The following TAF6 variants were observed in gnomAD, a reference collection of about 807,000 sequenced individuals.
The protein encoded by TAF6 is transcription initiation factor TFIID subunit 6.
In TAF6, 50 loss-of-function variants were observed where a neutral mutation model predicts 73.5. That is an observed-to-expected ratio of 0.68 (90% CI 0.54 to 0.86). The LOEUF is 0.86. Ranked by LOEUF, TAF6 falls within the 40% of genes least tolerant of loss-of-function variation. The probability of loss-of-function intolerance (pLI) is 0.00; values close to 1 mark genes in which losing one functional copy is unlikely to be tolerated. For missense variants in TAF6, 768 were observed against 899.5 expected (o/e 0.85, Z 1.87); for synonymous variants, 424 against 376.7 (o/e 1.13, Z -1.45).
chr7:100,110,025 T>C lies in TAF6; in HGVS notation c.1207A>G (p.Ile403Val). ...LPRLQQEGER[I>V]RSVLDGPVLS... is the part of the protein sequence containing the mutation. ...ACAGGGCCGTCCAGCACACTGCGGATCCGCTCCCCTTCCTGCTGCAGCCGG... is the reference window on the plus strand; with the variant it reads ...ACAGGGCCGTCCAGCACACTGCGGACCCGCTCCCCTTCCTGCTGCAGCCGG... The change falls in exon 12 of 15, where the codon ATC (isoleucine) becomes GTC (valine). Residue 403 changes from isoleucine to valine, a missense_variant. Coordinates refer to ENST00000453269, the MANE Select transcript of TAF6 (RefSeq NM_139315.3). 1 of 1,614,138 alleles carries C rather than the reference T, an allele frequency of 6.2e-7. No individual in the cohort carries two copies. Among genetic ancestry groups the C allele is most frequent in the Non-Finnish European group, 8.5e-7 (1 of 1,180,028 alleles).
At chr7:100,115,271 C>G (rs192527258) in intron 1 of TAF6, 1 of 152,232 alleles carries the variant, frequency 6.6e-6, no homozygotes, top group Non-Finnish European at 1.5e-5. Flanking sequence ...GAATTAAAGG[C>G]GTGAGCCGAA....
chr7:100,119,848 C>G (rs73713944), upstream of TAF6: 7 of 1,612,122 alleles, frequency 4.3e-6, no homozygotes, highest in Middle Eastern at 1.7e-4. Context: ...GAACGCTTGC[C>G]CAGCAAATGC....
intron 1 of TAF6, among the ~76,000 whole-genome samples, chr7:100,116,110 C>T (rs1042602799): frequency 6.6e-6 from 1 of 152,214 alleles, no homozygotes; most frequent in Non-Finnish European, 1.5e-5. Flanking sequence ...CCTTTCTCTA[C>T]ATCTATTCCT....
rs4134913 is a variant in TAF6 at position 100,110,708 on chromosome 7, G to A, written c.1083+431C>T. On this transcript the variant is annotated intron_variant, in intron 10 of 14. Transcript: ENST00000453269. ...TGCCTGTAATCCCAGCTACTCGGGA[G>A]GCTGAGGCAGGAGAATCATTGGAAC... 8.5e-3 allele frequency among the ~76,000 whole-genome samples: 1,297 copies of A among 152,352 alleles called. 15 individuals are homozygous for A. Among genetic ancestry groups the A allele is most frequent in the African/African-American group, 0.03 (1,227 of 41,574 alleles).
At chr7:100,117,533 A>G (rs567696931) in intron 1 of TAF6, among the ~76,000 whole-genome samples, 2 of 151,132 alleles carry the variant, frequency 1.3e-5, no homozygotes, top group East Asian at 4.1e-4. Flanking sequence ...TGGCCTCCCA[A>G]AGTGCTGGGA....
At chr7:100,122,989 ATG>A, upstream of TAF6, 1 of 1,421,516 alleles carries the variant, frequency 7.0e-7, no homozygotes, top group East Asian at 2.3e-5. Context: ...ACTATAGGGG[ATG>A]TCTACCCCTA....
At chr7:100,112,621 A>G (rs1226122059) in intron 6 of TAF6, among the ~76,000 whole-genome samples, 177 bp downstream of exon 6, 2 of 152,186 alleles carry the variant, frequency 1.3e-5, no homozygotes, top group Non-Finnish European at 2.9e-5. Context: ...AGGCTGAGGC[A>G]GGAGAATCGC....
chr7:100,110,080 G>C lies in TAF6; in HGVS notation c.1159-7C>G. The C allele has an allele frequency of 6.2e-7, 1 of 1,614,076 alleles. No homozygotes were observed. Among genetic ancestry groups the C allele is most frequent in the South Asian group, 1.1e-5 (1 of 91,074 alleles). On this transcript the variant is annotated splice_region_variant and splice_polypyrimidine_tract_variant and intron_variant, in intron 11 of 14. Coordinates refer to ENST00000453269, the MANE Select transcript of TAF6 (RefSeq NM_139315.3). ...GAATCAGAGTCTTGATAACCTGTTA[G>C]AAGGGAAAAGGACAAGCAAAAGCCG...
the TAF6 span, among the ~76,000 whole-genome samples, chr7:100,126,015 T>C: frequency 1.3e-5 from 2 of 152,006 alleles, no homozygotes; most frequent in African/African-American, 4.8e-5. Context: ...TGAAAGCCCG[T>C]CTCTACTAAA....
At chr7:100,117,227 A>C (rs1399002881) in intron 1 of TAF6, among the ~76,000 whole-genome samples, 3 of 149,278 alleles carry the variant, frequency 2.0e-5, no homozygotes, top group Non-Finnish European at 4.4e-5. Context: ...GCCTGGCAAC[A>C]GAGTGAGACC....
At chr7:100,122,636 G>C, upstream of TAF6, 1 of 1,530,238 alleles carries the variant, frequency 6.5e-7, no homozygotes, top group Non-Finnish European at 8.9e-7. Context: ...TGTATCCCCT[G>C]AGGCCCTCCA....
At chr7:100,110,403 A>T (rs1338732658) in intron 10 of TAF6, 129 bp from the exon 11 acceptor site, 4 of 1,032,640 alleles carry the variant, frequency 3.9e-6, no homozygotes, top group Non-Finnish European at 5.8e-6. Context: ...GTGGTGGCTC[A>T]CACCTGTAAT....
At chr7:100,113,121 C>T (rs578078560) in intron 5 of TAF6, among the ~76,000 whole-genome samples, 1 of 152,084 alleles carries the variant, frequency 6.6e-6, no homozygotes, top group Non-Finnish European at 1.5e-5. Flanking sequence ...AAAAAATTAG[C>T]CGGGCGTGGT....
rs4134890 is a variant in TAF6 at position 100,116,277 on chromosome 7, T to C, written c.-59-2009A>G. ...CAGCTCATGCCTGTAATCTGTGCAC[T>C]TTGGGAGGGTGAGGTGGGAAGACTG... On this transcript the variant is annotated intron_variant, in intron 1 of 14. Transcript: ENST00000453269. Among the ~76,000 whole-genome samples, 7 of 152,154 alleles carry C rather than the reference T, an allele frequency of 4.6e-5. No individual in the cohort carries two copies. The South Asian group carries it at 1.4e-3, about 32-fold the overall frequency.
upstream of TAF6, chr7:100,122,484 G>T (rs1272252680): frequency 1.2e-6 from 2 of 1,614,068 alleles, no homozygotes; most frequent in Admixed American, 3.3e-5. Context: ...TCCACAGAGA[G>T]ACAAGGCTGG....
At chr7:100,123,070 G>A (rs564511828), upstream of TAF6, among the ~76,000 whole-genome samples, 16 of 152,182 alleles carry the variant, frequency 1.1e-4, no homozygotes, top group East Asian at 1.2e-3. Context: ...GGTGGGGTGC[G>A]GTGGCTCACA....
At chr7:100,113,274 C>A (rs1797363944) in intron 5 of TAF6, 75 bp downstream of exon 5, 7 of 1,386,816 alleles carry the variant, frequency 5.0e-6, no homozygotes, top group South Asian at 1.4e-5. Context: ...CAGAGTGAGA[C>A]TCTGTCTCAA....
At chr7:100,118,857 G>A (rs1797902288) in intron 1 of TAF6, 3 of 985,120 alleles carry the variant, frequency 3.0e-6, no homozygotes, top group Admixed American at 6.2e-5. Context: ...TATCTATAGG[G>A]AACACAACTA....
chr7:100,107,808 C>T, intron 14 of TAF6, 118 bp downstream of exon 14: 9 of 1,412,106 alleles, frequency 6.4e-6, no homozygotes, highest in Non-Finnish European at 8.5e-6. Flanking sequence ...TGGTGGGCGC[C>T]TCTTCCAGCT....
Sources: gnomAD v4.1 joint callset for allele counts (sites outside exome capture counted in the v4.1 genomes callset) on GRCh38, gnomAD v4.1.1 for gene constraint, MANE v1.5 for transcripts, NCBI Gene and HGNC (gene_info 2026-07-23, HGNC 2026-07-21) for gene names.